Variants in PPP1R42 observed in about 807,000 individuals in gnomAD.
PPP1R42 encodes the protein protein phosphatase 1 regulatory subunit 42.
PPP1R42 carries 34 observed loss-of-function variants against 31.0 expected under a neutral mutation model. The observed-to-expected ratio is 1.10, with a 90% CI of 0.83 to 1.46. The LOEUF is 1.46. Ranked by LOEUF, PPP1R42 falls within the 40% of genes most tolerant of loss-of-function variation. The pLI, the probability that PPP1R42 is intolerant of heterozygous loss-of-function variation, is 0.00. For synonymous variants in PPP1R42, 103 were observed against 109.8 expected (o/e 0.94, Z 0.39); for missense variants, 268 against 303.0 (o/e 0.88, Z 0.86).
intron 6 of PPP1R42, chr8:66,985,016 CCTCT>C (rs1814962080): frequency 2.6e-6 from 4 of 1,536,558 alleles, no homozygotes; most frequent in East Asian, 4.5e-5. Flanking sequence ...TTGGGATTTT[CCTCT>C]CTAAGGTTAA....
rs1223937033 is a variant in PPP1R42, at chr8:67,028,483, C to G, written c.-85+8G>C. ...GGTCCCCACGCTTATTCCCCGCGGG[C>G]AGCTCACCGCTCGCGGGACAGTCCG... On this transcript the variant is annotated splice_region_variant and intron_variant, in intron 1 of 7. Coordinates refer to ENST00000685739, the MANE Select transcript of PPP1R42 (RefSeq NM_001364910.1). 2.0e-6 allele frequency: 2 copies of G among 985,518 alleles called. No individual in the cohort carries two copies. The highest frequency in any genetic ancestry group is 1.2e-6 in the Non-Finnish European group (1 of 829,944). The allele number at this position is 985,518 out of a possible 1,614,324, so 61.0% of individuals were successfully genotyped here. A position where few individuals can be genotyped will look rare whatever the true frequency, so the allele number is the denominator to read the frequency against.
chr8:66,985,733 G>A, intron 6 of PPP1R42: 1 of 1,289,258 alleles, frequency 7.8e-7, no homozygotes, highest in Non-Finnish European at 1.1e-6. Flanking sequence ...TGAGGTGTAG[G>A]GGGGCTAATG....
At position 66,964,324 on chromosome 8, in the gene PPP1R42, A is replaced by G. The variant is rs544233006; in HGVS notation, c.813T>C (p.Leu271=). The change falls in exon 8 of 8, where the codon CTT becomes CTC. Residue 271 remains leucine, a synonymous_variant. Transcript: ENST00000685739. ...DASNSLIRIS[L] ...GTCAGCAAGCTTTCAGATTGCTTCA[A>G]AGAGAGATTCCTGTATTTATAGAGA... The G allele has an allele frequency of 5.3e-4, 677 of 1,273,106 alleles. 5 individuals are homozygous for G. The South Asian group carries it at 8.2e-3, about 15-fold the overall frequency. The allele number at this position is 1,273,106 out of a possible 1,614,324, so 78.9% of individuals were successfully genotyped here.
chr8:67,019,389 C>T (rs1438164748), intron 1 of PPP1R42, among the ~76,000 whole-genome samples: 1 of 150,324 alleles, frequency 6.7e-6, no homozygotes, highest in East Asian at 2.1e-4. Flanking sequence ...TACAGGCGCC[C>T]ACCACCATGC....
Position 66,988,493 on chromosome 8 carries a change from A to C in PPP1R42, c.577T>G (p.Leu193Val). 1 of 1,609,750 alleles carries C rather than the reference A, an allele frequency of 6.2e-7. No individual in the cohort carries two copies. Among genetic ancestry groups the C allele is most frequent in the South Asian group, 1.1e-5 (1 of 90,036 alleles). The change falls in exon 6 of 8, where the codon TTG becomes GTG. Residue 193 changes from leucine (L) to valine (V), a missense_variant. Leu to Val is a conservative substitution (Grantham distance 32). Transcript: ENST00000685739. ...AGATCAATTTTCCACAGCTTCATCA[A>C]CTTGTTCAGTAAAAACTCCAAATCC... is the stretch of plus-strand genomic sequence containing the variant. ...VKDLEFLLNK[L>V]MKLWKIDLNG...
intron 7 of PPP1R42, among the ~76,000 whole-genome samples, chr8:66,979,922 T>C (rs1814780157): frequency 6.6e-6 from 1 of 152,216 alleles, no homozygotes. Context: ...TGAAATCAGT[T>C]AAAATGAAAG....
At chr8:67,000,326 C>T (rs1815446650) in intron 5 of PPP1R42, among the ~76,000 whole-genome samples, 1 of 152,008 alleles carries the variant, frequency 6.6e-6, no homozygotes. Flanking sequence ...AAAGCTATAA[C>T]TTTCCCTCTA....
rs560228223 is a variant in PPP1R42, at chr8:67,026,207, A to G, written c.-85+2284T>C. ...AAAAAAATTAGCCGGGCATGGTGGC[A>G]TATGCCTGTAATCCCAGCTACTCGG... On this transcript the variant is annotated intron_variant, in intron 1 of 7. Coordinates refer to ENST00000685739, the MANE Select transcript of PPP1R42 (RefSeq NM_001364910.1). 2.2e-4 allele frequency among the ~76,000 whole-genome samples: 34 copies of G among 151,740 alleles called. No homozygotes were observed. In the South Asian group the frequency reaches 2.9e-3, roughly 13 times the overall value.
chr8:67,002,446 G>A (rs1182891868), intron 5 of PPP1R42, among the ~76,000 whole-genome samples: 2 of 152,150 alleles, frequency 1.3e-5, no homozygotes, highest in Non-Finnish European at 1.5e-5. Context: ...TCATCCGCCC[G>A]CCTTGGCCTC....
intron 1 of PPP1R42, chr8:67,021,338 G>T (rs1816210533): frequency 6.6e-6 from 1 of 151,954 alleles, no homozygotes; most frequent in South Asian, 2.1e-4. Flanking sequence ...AAAATGCAAA[G>T]TACAGCCTAC....
intron 5 of PPP1R42, among the ~76,000 whole-genome samples, chr8:67,010,031 C>T (rs937955935): frequency 1.3e-5 from 2 of 152,182 alleles, no homozygotes; most frequent in East Asian, 1.9e-4. Flanking sequence ...ATGACTGTTT[C>T]GAGGAAGCCT....
intron 7 of PPP1R42, among the ~76,000 whole-genome samples, chr8:66,978,823 CAT>C (rs769534784): frequency 6.6e-6 from 1 of 152,144 alleles, no homozygotes; most frequent in Non-Finnish European, 1.5e-5. Context: ...TGATATTGGG[CAT>C]ATCTTTCTTA....
chr8:67,021,232 T>C lies in PPP1R42; in HGVS notation c.-84-3401A>G, dbSNP rs530918037. The C allele has an allele frequency of 3.3e-5, 5 of 152,292 alleles. No homozygotes were observed. The East Asian group carries it at 7.7e-4, about 23-fold the overall frequency. 9.4% of individuals were successfully genotyped at this position (152,292 alleles called of 1,614,324 possible). On this transcript the variant is annotated intron_variant, in intron 1 of 7. Coordinates refer to ENST00000685739, the MANE Select transcript of PPP1R42 (RefSeq NM_001364910.1). ...TGAATTCAGTAGACTATAAATTAAA[T>C]TTGTATACTCACACATTGGCATTAC...
chr8:66,987,447 ACC>A (rs1450768720), intron 6 of PPP1R42, among the ~76,000 whole-genome samples: 1 of 151,564 alleles, frequency 6.6e-6, no homozygotes, highest in Non-Finnish European at 1.5e-5. Context: ...GCACACTGCC[ACC>A]CCTGGCTATT....
intron 5 of PPP1R42, among the ~76,000 whole-genome samples, chr8:66,993,642 C>T (rs939032142): frequency 3.3e-5 from 5 of 152,212 alleles, no homozygotes; most frequent in African/African-American, 1.2e-4. Flanking sequence ...CTCGCAGAGA[C>T]ACATACTTCA....
chr8:67,011,155 A>G lies in PPP1R42; in HGVS notation c.436-324T>C, dbSNP rs185380150. Among the ~76,000 whole-genome samples, 118 of 152,370 alleles carry G rather than the reference A, an allele frequency of 7.7e-4. 1 individual carries two copies. Among genetic ancestry groups the G allele is most frequent in the African/African-American group, 2.7e-3 (111 of 41,590 alleles). On this transcript the variant is annotated intron_variant, in intron 4 of 7. Coordinates refer to ENST00000685739, the MANE Select transcript of PPP1R42 (RefSeq NM_001364910.1). ...CAAAGAAAGAAAAAAAGATGCCCCA[A>G]TAAACAAGTAACACAATATAGAAAA... is the stretch of plus-strand genomic sequence containing the variant.
At chr8:66,971,848 T>C (rs1390760504) in intron 7 of PPP1R42, among the ~76,000 whole-genome samples, 2 of 152,200 alleles carry the variant, frequency 1.3e-5, no homozygotes, top group African/African-American at 4.8e-5. Flanking sequence ...CCTATAATTT[T>C]ACCATAATCC....
intron 1 of PPP1R42, among the ~76,000 whole-genome samples, chr8:67,019,085 C>A (rs1485828235): frequency 6.6e-6 from 1 of 150,966 alleles, no homozygotes; most frequent in Non-Finnish European, 1.5e-5. Context: ...ATTGGCCTGC[C>A]TCGGCCTCCC....
chr8:66,984,234 CTG>C, intron 6 of PPP1R42: 6 of 1,502,820 alleles, frequency 4.0e-6, no homozygotes, highest in Non-Finnish European at 5.5e-6. Context: ...CTATAGGACA[CTG>C]TTTAAACTTC....
Sources: allele counts gnomAD v4.1 joint callset (sites outside exome capture counted in the v4.1 genomes callset), GRCh38; gene constraint gnomAD v4.1.1; transcripts MANE v1.5; gene names NCBI Gene and HGNC (gene_info 2026-07-23, HGNC 2026-07-21).